The following SORCS3 variants were observed in gnomAD, a reference collection of about 807,000 sequenced individuals.
The protein encoded by SORCS3 is sortilin related VPS10 domain containing receptor 3, also known as VPS10 domain-containing receptor SorCS3.
In SORCS3, 57 loss-of-function variants were observed where a neutral mutation model predicts 146.3. The ratio of observed to expected loss-of-function variants is 0.39; its 90% CI spans 0.31 to 0.49. The LOEUF (loss-of-function observed/expected upper bound fraction) is 0.49, where lower values mean the gene tolerates loss of function less well. Ranked by LOEUF, SORCS3 falls within the 20% of genes least tolerant of loss-of-function variation. The pLI is 0.92. For synonymous variants in SORCS3, 653 were observed against 618.5 expected, an observed-to-expected ratio of 1.06 and a Z score of -0.83; for missense variants, 1,341 against 1,575.5, an observed-to-expected ratio of 0.85 and a Z score of 2.52.
intron 1 of SORCS3, among the ~76,000 whole-genome samples, chr10:104,804,736 A>G (rs1384452223): frequency 1.3e-5 from 2 of 152,226 alleles, no homozygotes; most frequent in Admixed American, 6.5e-5. Context: ...CAGAGATAGA[A>G]TAAGATTTGG....
chr10:105,048,523 T>C (rs2055389761), intron 5 of SORCS3, among the ~76,000 whole-genome samples: 1 of 116,308 alleles, frequency 8.6e-6, no homozygotes, highest in Non-Finnish European at 1.7e-5. Flanking sequence ...CATCACACAC[T>C]GGGGCCTGTT....
chr10:105,017,349 T>C (rs2055174534), intron 4 of SORCS3, among the ~76,000 whole-genome samples: 1 of 152,134 alleles, frequency 6.6e-6, no homozygotes, highest in East Asian at 1.9e-4. Context: ...AGGAAGGTGG[T>C]TTCCCACTTC....
At chr10:105,239,203 A>G (rs1042927563) in intron 20 of SORCS3, among the ~76,000 whole-genome samples, 2 of 152,128 alleles carry the variant, frequency 1.3e-5, no homozygotes, top group African/African-American at 4.8e-5. Context: ...ATAGTTCTAA[A>G]CGTGGTAGAT....
chr10:104,715,243 T>A lies in SORCS3; in HGVS notation c.627+73289T>A, dbSNP rs2016462490. Among the ~76,000 whole-genome samples the A allele has an allele frequency of 3.9e-5, 6 of 152,280 alleles. No individual in the cohort carries two copies. In the South Asian group the frequency reaches 1.2e-3, roughly 32 times the overall value. The stretch of plus-strand genomic sequence containing the variant: ...AAGGAAGATTCCACCCTCACCACGG[T>A]GGGTGGGCATCATCCAATCTGTTGC... On this transcript the variant is annotated intron_variant, in intron 1 of 26. Transcript: ENST00000369701.
At chr10:104,930,693 GGGCAGGGGCT>G (rs1393466843) in intron 3 of SORCS3, among the ~76,000 whole-genome samples, 1 of 152,212 alleles carries the variant, frequency 6.6e-6, no homozygotes, top group African/African-American at 2.4e-5. Context: ...AGCCCCCATA[GGGCAGGGGCT>G]GGCTGGGTTG....
chr10:105,070,574 T>A (rs1006918247), intron 5 of SORCS3, among the ~76,000 whole-genome samples: 1 of 152,214 alleles, frequency 6.6e-6, no homozygotes, highest in Non-Finnish European at 1.5e-5. Flanking sequence ...ATGGAACCAA[T>A]GTCCCAGCCC....
At chr10:105,232,354 C>G (rs376218416) in intron 20 of SORCS3, among the ~76,000 whole-genome samples, 79 of 152,136 alleles carry the variant, frequency 5.2e-4, no homozygotes, top group African/African-American at 1.9e-3. Context: ...TCTTTTGTCA[C>G]CATTTTAATA....
intron 1 of SORCS3, among the ~76,000 whole-genome samples, chr10:104,729,937 T>C (rs1245064263): frequency 6.6e-6 from 1 of 152,192 alleles, no homozygotes; most frequent in Non-Finnish European, 1.5e-5. Flanking sequence ...CTCAGTTTTC[T>C]TATCAGTAAA....
At chr10:105,119,585 CA>C (rs2055917105) in intron 7 of SORCS3, among the ~76,000 whole-genome samples, 1 of 152,168 alleles carries the variant, frequency 6.6e-6, no homozygotes, top group African/African-American at 2.4e-5. Context: ...CCTGCAAAGC[CA>C]CAGGGGCAGA....
rs530730875 is a variant in SORCS3, at chr10:104,696,751, C to T, written c.627+54797C>T. Among the ~76,000 whole-genome samples the T allele has an allele frequency of 3.3e-3, 351 of 105,376 alleles. 1 individual carries two copies. Among genetic ancestry groups the T allele is most frequent in the African/African-American group, 0.011 (296 of 26,052 alleles). 69.1% of individuals were successfully genotyped at this position (105,376 alleles called of 152,430 possible). A position where few individuals can be genotyped will look rare whatever the true frequency, so the allele number is the denominator to read the frequency against. On this transcript the variant is annotated intron_variant, in intron 1 of 26. Coordinates refer to ENST00000369701, the MANE Select transcript of SORCS3 (RefSeq NM_014978.3). ...TATAATATATAATATATATTATATA[C>T]GTATATATAATATATATAATATATA...
At chr10:105,139,745 G>A (rs930457903) in intron 8 of SORCS3, among the ~76,000 whole-genome samples, 1 of 152,092 alleles carries the variant, frequency 6.6e-6, no homozygotes, top group African/African-American at 2.4e-5. Context: ...TTTCCCAGGG[G>A]CAGTAATGAA....
rs567934159 is a variant in SORCS3 at position 105,220,613 on chromosome 10, G to C, written c.2735-2503G>C. Among the ~76,000 whole-genome samples, 23 of 152,152 alleles carry C rather than the reference G, an allele frequency of 1.5e-4. No homozygotes were observed. The South Asian group carries it at 4.2e-3, about 28-fold the overall frequency. On this transcript the variant is annotated intron_variant, in intron 19 of 26. Transcript: ENST00000369701. Reference sequence around the variant, plus strand: ...GAAGCAGTGACTTTGAAGGTAAAAGGGTCCCCTAAAGGGGCCCCTTTTCTA... The same window carrying C: ...GAAGCAGTGACTTTGAAGGTAAAAGCGTCCCCTAAAGGGGCCCCTTTTCTA...
intron 3 of SORCS3, among the ~76,000 whole-genome samples, chr10:104,951,492 G>T (rs994725820): frequency 5.3e-5 from 8 of 151,994 alleles, no homozygotes; most frequent in African/African-American, 1.9e-4. Context: ...CATGCCCAGT[G>T]AATTTTTATT....
At chr10:104,715,600 A>G (rs1016073289) in intron 1 of SORCS3, among the ~76,000 whole-genome samples, 3 of 152,202 alleles carry the variant, frequency 2.0e-5, no homozygotes, top group Non-Finnish European at 4.4e-5. Flanking sequence ...CTAATACAGT[A>G]CAGTACATCG....
chr10:105,219,453 T>A (rs1022885188), intron 19 of SORCS3, among the ~76,000 whole-genome samples: 1 of 152,146 alleles, frequency 6.6e-6, no homozygotes, highest in African/African-American at 2.4e-5. Context: ...AGATTCCCAA[T>A]GGAAAGCATT....
chr10:105,223,938 A>T (rs1191232457), intron 20 of SORCS3, among the ~76,000 whole-genome samples: 1 of 152,170 alleles, frequency 6.6e-6, no homozygotes, highest in Non-Finnish European at 1.5e-5. Flanking sequence ...TTCATTTTTG[A>T]GGAGTTGTAA....
intron 3 of SORCS3, among the ~76,000 whole-genome samples, chr10:104,967,062 T>A (rs1316061590): frequency 1.3e-5 from 2 of 152,010 alleles, no homozygotes; most frequent in Non-Finnish European, 2.9e-5. Flanking sequence ...AGTGAATGGC[T>A]AAATCACAGG....
intron 6 of SORCS3, among the ~76,000 whole-genome samples, chr10:105,102,338 T>G (rs1346965125): frequency 1.3e-5 from 2 of 152,244 alleles, no homozygotes; most frequent in Admixed American, 6.5e-5. Context: ...CCATGGAATA[T>G]CATGCAACCA....
In SORCS3 at chr10:104,990,065, C is replaced by G. The variant is rs148183167; in HGVS notation, c.954+12572C>G. Among the ~76,000 whole-genome samples the G allele has an allele frequency of 3.7e-3, 562 of 152,298 alleles. 1 individual carries two copies. Among genetic ancestry groups the G allele is most frequent in the South Asian group, 0.01 (49 of 4,824 alleles). On this transcript the variant is annotated intron_variant, in intron 4 of 26. Transcript: ENST00000369701. The stretch of plus-strand genomic sequence containing the variant: ...TTTCTGACTGCCAATATTTGCATTT[C>G]TTTGCCTGAGGGCTTTCTCTGAGGC...
Sources: gnomAD v4.1 joint callset for allele counts (sites outside exome capture counted in the v4.1 genomes callset) on GRCh38, gnomAD v4.1.1 for gene constraint, MANE v1.5 for transcripts, NCBI Gene and HGNC (gene_info 2026-07-23, HGNC 2026-07-21) for gene names.